Variants in GOLGA6L7 observed in about 807,000 individuals in gnomAD.
GOLGA6L7 encodes the protein golgin subfamily A member 6-like protein 7.
Under a neutral mutation model 68.9 loss-of-function variants are expected in GOLGA6L7, and 29 were observed. That is an observed-to-expected ratio of 0.42 (90% CI 0.31 to 0.57). The LOEUF (loss-of-function observed/expected upper bound fraction) is 0.57. Ranked by LOEUF, GOLGA6L7 falls within the 20% of genes least tolerant of loss-of-function variation. The probability of loss-of-function intolerance (pLI) is 0.13; values close to 1 mark genes in which losing one functional copy is unlikely to be tolerated. For missense variants in GOLGA6L7, 396 were observed against 588.4 expected, an observed-to-expected ratio of 0.67 and a Z score of 3.38; for synonymous variants, 133 against 197.4, an observed-to-expected ratio of 0.67 and a Z score of 2.73.
In GOLGA6L7 at chr15:28,847,158, A is replaced by C; in HGVS notation, c.86T>G (p.Val29Gly). ...TDYHQWNSAG[V>G]GTGATDTKKK... ...TTTGGTGTCGGTTGCTCCGGTACCAACACCAGCACTGTTCCACTGATGATA... is the reference window on the plus strand; with the variant it reads ...TTTGGTGTCGGTTGCTCCGGTACCACCACCAGCACTGTTCCACTGATGATA... The change falls in exon 2 of 9, where the codon GTT becomes GGT. Residue 29 changes from valine to glycine, a missense_variant. Val to Gly is a moderately radical substitution (Grantham distance 109). This residue lies in a region of GOLGA6L7 where 18 missense variants were observed against 56.5 expected (regional missense o/e 0.32). Coordinates refer to ENST00000567390, the MANE Select transcript of GOLGA6L7 (RefSeq NM_001365371.2). 7.5e-7 allele frequency: 1 copy of C among 1,326,690 alleles called. No homozygotes were observed. Among genetic ancestry groups the C allele is most frequent in the Middle Eastern group, 2.4e-4 (1 of 4,188 alleles). The allele number at this position is 1,326,690 out of a possible 1,614,324, so 82.2% of individuals were successfully genotyped here.
At chr15:28,846,144 G>A (rs1768675917) in intron 3 of GOLGA6L7, 76 bp downstream of exon 3, 2 of 717,644 alleles carry the variant, frequency 2.8e-6, no homozygotes, top group Non-Finnish European at 5.1e-6. Flanking sequence ...TAGGCGAGAC[G>A]AGACTGGGGC....
At position 28,844,328 on chromosome 15, in the gene GOLGA6L7, G is replaced by A. The variant is rs143028923; in HGVS notation, c.463-65C>T. ...GAGGAGCAGCTGGACGACCAGTAAC[G>A]ACAGCTACACTGATACTCCACAGTA... On this transcript the variant is annotated intron_variant, in intron 6 of 8. Transcript: ENST00000567390. 4.8e-3 allele frequency: 2,152 copies of A among 448,790 alleles called. 47 individuals are homozygous for A. Among genetic ancestry groups the A allele is most frequent in the African/African-American group, 0.041 (2,002 of 49,214 alleles). 27.8% of individuals were successfully genotyped at this position (448,790 alleles called of 1,614,324 possible). A position where few individuals can be genotyped will look rare whatever the true frequency, so the allele number is the denominator to read the frequency against.
intron 7 of GOLGA6L7, 76 bp from the exon 8 acceptor site, chr15:28,843,951 C>T (rs1235698435): frequency 1.9e-5 from 13 of 671,074 alleles, no homozygotes; most frequent in Admixed American, 5.5e-5. Flanking sequence ...CCTCTACCCT[C>T]GCCCCACAAC....
rs138481228 is a variant in GOLGA6L7 at position 28,842,324 on chromosome 15, C to T, written c.1780G>A (p.Ala594Thr). 9.1e-3 allele frequency: 11,149 copies of T among 1,230,564 alleles called. 58 individuals are homozygous for T. The highest frequency in any genetic ancestry group is 0.01 in the Non-Finnish European group (9,988 of 985,130). 76.2% of individuals were successfully genotyped at this position (1,230,564 alleles called of 1,614,324 possible). ...IMQLPPGMKN[A>T]QERPGLGSTS... ...CTGCCTAAGCCTGGGCGCTCCTGGG[C>T]GTTCTTCATTCCAGGGGGCAGCTGC... is the stretch of plus-strand genomic sequence containing the variant. The change falls in exon 9 of 9, where the codon GCC becomes ACC. Residue 594 changes from alanine (A) to threonine (T), a missense_variant. Physicochemically the swap from Ala to Thr is moderately conservative, Grantham distance 58. Transcript: ENST00000567390.
intron 2 of GOLGA6L7, among the ~76,000 whole-genome samples, 181 bp from the exon 3 acceptor site, chr15:28,846,430 C>A (rs2671071): frequency 8.3e-5 from 10 of 120,046 alleles, no homozygotes; most frequent in Non-Finnish European, 1.8e-4. Context: ...TCTTTGTTGG[C>A]TTTTGCCCAC....
Position 28,845,734 on chromosome 15 carries a change from A to G in GOLGA6L7, c.339T>C (p.Ala113=), listed in dbSNP as rs1319995029. Residue 113 remains alanine, a synonymous_variant, in exon 5 of 9, where the codon GCT becomes GCC. Coordinates refer to ENST00000567390, the MANE Select transcript of GOLGA6L7 (RefSeq NM_001365371.2). ...LETALHDSQD[A]ARKFEEDSKD... ...GATTCCCACCTTCAAATTTCCTGGCAGCATCCTGGCTGTCATGGAGCGCTG... is the reference window on the plus strand; with the variant it reads ...GATTCCCACCTTCAAATTTCCTGGCGGCATCCTGGCTGTCATGGAGCGCTG... 3 of 782,924 alleles carry G rather than the reference A, an allele frequency of 3.8e-6. No homozygotes were observed. In the African/African-American group the frequency reaches 5.1e-5, roughly 13 times the overall value. The allele number at this position is 782,924 out of a possible 1,614,324, so 48.5% of individuals were successfully genotyped here.
At chr15:28,845,387 A>C (rs748655779) in intron 6 of GOLGA6L7, 142 bp downstream of exon 6, 2 of 696,994 alleles carry the variant, frequency 2.9e-6, no homozygotes, top group South Asian at 3.0e-5. Flanking sequence ...ACCTGCCTCT[A>C]ACAACCACGC....
chr15:28,848,393 G>A (rs2344378), intron 1 of GOLGA6L7, 106 bp downstream of exon 1: 101 of 657,066 alleles, frequency 1.5e-4, no homozygotes, highest in Non-Finnish European at 2.2e-4. Flanking sequence ...GGGGGGGCCC[G>A]GCCCTGCGTG....
rs1461009301 is a variant in GOLGA6L7, at chr15:28,847,138, T to A, written c.106A>T (p.Thr36Ser). 10 of 1,240,962 alleles carry A rather than the reference T, an allele frequency of 8.1e-6. No individual in the cohort carries two copies. Among genetic ancestry groups the A allele is most frequent in the Non-Finnish European group, 1.0e-5 (9 of 861,508 alleles). 76.9% of individuals were successfully genotyped at this position (1,240,962 alleles called of 1,614,324 possible). Reference sequence around the variant, plus strand: ...CCATGATTTATTTTCTTCTTTTTGGTGTCGGTTGCTCCGGTACCAACACCA... The same window carrying A: ...CCATGATTTATTTTCTTCTTTTTGGAGTCGGTTGCTCCGGTACCAACACCA... ...SAGVGTGATD[T>S]KKKKINHGAN... The change falls in exon 2 of 9, where the codon ACC (threonine) becomes TCC (serine). Residue 36 changes from threonine (T) to serine (S), a missense_variant. Physicochemically the swap from Thr to Ser is moderately conservative, Grantham distance 58. Coordinates refer to ENST00000567390, the MANE Select transcript of GOLGA6L7 (RefSeq NM_001365371.2).
chr15:28,848,147 C>T (rs1363470212), intron 1 of GOLGA6L7, among the ~76,000 whole-genome samples: 1 of 152,136 alleles, frequency 6.6e-6, no homozygotes, highest in Non-Finnish European at 1.5e-5. Context: ...CCAAAGTCAC[C>T]CTGGGGTGAC....
Position 28,842,524 on chromosome 15 carries a change from C to G in GOLGA6L7, c.1580G>C (p.Arg527Thr), listed in dbSNP as rs780827546. 42 of 1,219,810 alleles carry G rather than the reference C, an allele frequency of 3.4e-5. 1 individual carries two copies. The highest frequency in any genetic ancestry group is 4.2e-5 in the Non-Finnish European group (41 of 970,922). The allele number at this position is 1,219,810 out of a possible 1,614,324, so 75.6% of individuals were successfully genotyped here. The change falls in exon 9 of 9, where the codon AGG (arginine) becomes ACG (threonine). Residue 527 changes from arginine to threonine, a missense_variant. Arg to Thr is a moderately conservative substitution (Grantham distance 71). This residue lies in a region of GOLGA6L7 where 125 missense variants were observed against 163.3 expected (regional missense o/e 0.77). Transcript: ENST00000567390. ...EEKIRRQVEKRREKKERMGEQ... is the reference protein window; with the variant it reads ...EEKIRRQVEKTREKKERMGEQ... ...TCCCATCCTCTCCTTCTTCTCCCGCCTCTTCTCCACCTGCCTCCGGATCTT... is the reference window on the plus strand; with the variant it reads ...TCCCATCCTCTCCTTCTTCTCCCGCGTCTTCTCCACCTGCCTCCGGATCTT...
chr15:28,842,713 AT>A lies in GOLGA6L7; in HGVS notation c.1390del (p.Met464TrpfsTer8), dbSNP rs1413781892. The A allele has an allele frequency of 7.8e-7, 1 of 1,274,820 alleles. No homozygotes were observed. Among genetic ancestry groups the A allele is most frequent in the Non-Finnish European group, 9.8e-7 (1 of 1,020,488 alleles). The allele number at this position is 1,274,820 out of a possible 1,614,324, so 79.0% of individuals were successfully genotyped here. A position where few individuals can be genotyped will look rare whatever the true frequency, so the allele number is the denominator to read the frequency against. On this transcript the variant is annotated frameshift_variant, in exon 9 of 9. Coordinates refer to ENST00000567390, the MANE Select transcript of GOLGA6L7 (RefSeq NM_001365371.2). LOFTEE classifies it high-confidence loss of function. The stretch of plus-strand genomic sequence containing the variant: ...CCTCATCTGCTCCTCCTGCTCCCCC[AT>A]CTGCTCCTCCTGCTTCCGCATCTGC... The part of the protein sequence containing the change: ...EEQMRKQEEQ[M>X]GEQEEQMRKQ...
At chr15:28,844,848 T>C (rs1157556797) in intron 6 of GOLGA6L7, 1 of 162,280 alleles carries the variant, frequency 6.2e-6, no homozygotes, top group African/African-American at 2.4e-5. Flanking sequence ...ACATGGGGTA[T>C]TAAAGGTTAA....
At chr15:28,845,113 A>G (rs2030366420) in intron 6 of GOLGA6L7, 45 of 330,922 alleles carry the variant, frequency 1.4e-4, no homozygotes, top group South Asian at 1.0e-3. Flanking sequence ...GTATATTACC[A>G]TAATACGTAC....
intron 7 of GOLGA6L7, 91 bp from the exon 8 acceptor site, chr15:28,843,966 G>A (rs61062821): frequency 0.097 from 62,596 of 645,540 alleles, 7,329 homozygotes; most frequent in African/African-American, 0.43. Context: ...CACAACCACA[G>A]AACCGTGGCA....
At chr15:28,846,934 A>G in intron 2 of GOLGA6L7, 130 bp downstream of exon 2, 2 of 559,166 alleles carry the variant, frequency 3.6e-6, no homozygotes, top group African/African-American at 2.9e-5. Context: ...GCAGTTGGAG[A>G]GAGAAGTAGG....
rs1354803551 is a variant in GOLGA6L7, at chr15:28,843,164, G to T, written c.940C>A (p.Arg314=). 2.7e-6 allele frequency: 3 copies of T among 1,098,866 alleles called. No homozygotes were observed. The highest frequency in any genetic ancestry group is 4.6e-5 in the African/African-American group (2 of 43,636). 68.1% of individuals were successfully genotyped at this position (1,098,866 alleles called of 1,614,324 possible). Residue 314 remains arginine (R), a synonymous_variant, in exon 9 of 9, where the codon CGG becomes AGG. Coordinates refer to ENST00000567390, the MANE Select transcript of GOLGA6L7 (RefSeq NM_001365371.2). ...EQMRKQEEQM[R]KQEEQMRKQE... ...TTCCGCATCTGCTCCTCCTGCTTCC[G>T]CATCTGCTCCTCCTGCTTCCGCATC... is the stretch of plus-strand genomic sequence containing the variant.
chr15:28,845,163 C>CACACGT, intron 6 of GOLGA6L7: 3 of 378,852 alleles, frequency 7.9e-6, no homozygotes, highest in South Asian at 2.1e-5. Flanking sequence ...CACACACACA[C>CACACGT]ACGTACATGT....
chr15:28,846,266 A>G lies in GOLGA6L7; in HGVS notation c.181-17T>C, dbSNP rs757088174. ...CTGTTGTTTCTGTGGGGAGAGTCAA[A>G]GGAAGGTGACTGAGGGTGGTCCCTC... On this transcript the variant is annotated splice_polypyrimidine_tract_variant and intron_variant, in intron 2 of 8. Transcript: ENST00000567390. 15 of 769,982 alleles carry G rather than the reference A, an allele frequency of 1.9e-5. No individual in the cohort carries two copies. In the South Asian group the frequency reaches 2.1e-4, roughly 11 times the overall value. 47.7% of individuals were successfully genotyped at this position (769,982 alleles called of 1,614,324 possible).
Sources: gnomAD v4.1 joint callset for allele counts (sites outside exome capture counted in the v4.1 genomes callset) on GRCh38, gnomAD v4.1.1 for gene constraint, gnomAD v4.1.1 regional missense constraint, MANE v1.5 for transcripts, NCBI Gene and HGNC (gene_info 2026-07-23, HGNC 2026-07-21) for gene names.